LRMDA: variants seen among roughly 807,000 people sequenced by gnomAD.
LRMDA encodes leucine-rich melanocyte differentiation-associated protein.
A neutral mutation model predicts 29.8 loss-of-function variants in LRMDA; 18 were observed. The observed-to-expected ratio is 0.60, with a 90% CI of 0.42 to 0.90. The LOEUF is 0.90. Among genes scored for constraint, LRMDA ranks in the 40% least tolerant of loss-of-function variants. The pLI, the probability that LRMDA is intolerant of heterozygous loss-of-function variation, is 0.00. For missense variants in LRMDA, 273 were observed against 273.9 expected (o/e 1.00, Z 0.02); for synonymous variants, 125 against 109.4 (o/e 1.14, Z -0.89).
intron 2 of LRMDA, among the ~76,000 whole-genome samples, chr10:75,588,837 G>A (rs1840686921): frequency 1.3e-5 from 2 of 152,094 alleles, no homozygotes; most frequent in South Asian, 4.1e-4. Flanking sequence ...TATAGATTAT[G>A]TCTTTGTCAT....
chr10:75,779,020 C>T (rs12253409), intron 2 of LRMDA, among the ~76,000 whole-genome samples: 56,123 of 152,042 alleles, frequency 0.37, 12,230 homozygotes, highest in South Asian at 0.49. Context: ...CCCAGCTAGC[C>T]TCTGGAATAG....
intron 6 of LRMDA, among the ~76,000 whole-genome samples, chr10:76,358,216 CG>C (rs1841266556): frequency 6.6e-6 from 1 of 152,156 alleles, no homozygotes; most frequent in Non-Finnish European, 1.5e-5. Context: ...TGGCAGTCCT[CG>C]TAGGAGAAAT....
At chr10:76,386,161 C>T (rs1428294200) in intron 6 of LRMDA, among the ~76,000 whole-genome samples, 1 of 152,142 alleles carries the variant, frequency 6.6e-6, no homozygotes, top group East Asian at 1.9e-4. Context: ...ATGTGTTAAT[C>T]TCTCCTAAAC....
At chr10:75,779,635 G>C (rs1389372671) in intron 2 of LRMDA, among the ~76,000 whole-genome samples, 1 of 152,186 alleles carries the variant, frequency 6.6e-6, no homozygotes, top group African/African-American at 2.4e-5. Context: ...AATCTCAGTG[G>C]CTTAACACCA....
intron 2 of LRMDA, among the ~76,000 whole-genome samples, chr10:75,803,841 T>A (rs1843798517): frequency 6.6e-6 from 1 of 152,146 alleles, no homozygotes; most frequent in Non-Finnish European, 1.5e-5. Context: ...CTGCACGCAG[T>A]CTCTTTTCTG....
intron 6 of LRMDA, among the ~76,000 whole-genome samples, chr10:76,338,516 C>T (rs1013864363): frequency 2.0e-5 from 3 of 152,122 alleles, no homozygotes; most frequent in Admixed American, 6.5e-5. Context: ...ACATGGGTCA[C>T]ATTGTCTGTA....
chr10:75,876,811 T>C (rs1845206093), intron 2 of LRMDA, among the ~76,000 whole-genome samples: 1 of 152,216 alleles, frequency 6.6e-6, no homozygotes, highest in Non-Finnish European at 1.5e-5. Context: ...CCTTAGTGTT[T>C]GGCATTTTGT....
chr10:76,417,528 A>C (rs1842029593), intron 6 of LRMDA, among the ~76,000 whole-genome samples: 1 of 151,668 alleles, frequency 6.6e-6, no homozygotes, highest in Non-Finnish European at 1.5e-5. Context: ...CTCATATCGC[A>C]CCCTAGGCAC....
At chr10:75,986,305 T>G (rs1386441144) in intron 2 of LRMDA, among the ~76,000 whole-genome samples, 1 of 152,232 alleles carries the variant, frequency 6.6e-6, no homozygotes, top group African/African-American at 2.4e-5. Context: ...ATTTTCTTCC[T>G]CCAGGACTAA....
At position 75,963,505 on chromosome 10, in the gene LRMDA, A is replaced by G. The variant is rs373571259; in HGVS notation, c.132-72503A>G. ...GTTTTGTCCCTTAATTTTTGATACA[A>G]TAACCAGGGGTCCTTGTTGTCATGA... On this transcript the variant is annotated intron_variant, in intron 2 of 6. Coordinates refer to ENST00000611255, the MANE Select transcript of LRMDA (RefSeq NM_001305581.2). 9.8e-4 allele frequency among the ~76,000 whole-genome samples: 150 copies of G among 152,316 alleles called. 1 individual carries two copies. In the South Asian group the frequency reaches 0.031, roughly 31 times the overall value.
At chr10:75,965,921 G>A (rs1343738381) in intron 2 of LRMDA, among the ~76,000 whole-genome samples, 2 of 152,208 alleles carry the variant, frequency 1.3e-5, no homozygotes, top group Non-Finnish European at 2.9e-5. Flanking sequence ...GCTCAGTGAA[G>A]CCCAAACATC....
At chr10:76,143,891 A>G (rs1366251194) in intron 5 of LRMDA, among the ~76,000 whole-genome samples, 1 of 152,222 alleles carries the variant, frequency 6.6e-6, no homozygotes, top group East Asian at 1.9e-4. Flanking sequence ...GAAGGGATCC[A>G]GTTTCAGCTT....
chr10:75,501,034 T>C (rs1845107381), intron 2 of LRMDA, among the ~76,000 whole-genome samples: 2 of 152,198 alleles, frequency 1.3e-5, no homozygotes, highest in African/African-American at 4.8e-5. Flanking sequence ...ACACAGACTT[T>C]CCCATTGCAG....
intron 2 of LRMDA, among the ~76,000 whole-genome samples, chr10:76,008,038 G>A (rs1179676967): frequency 6.6e-6 from 1 of 152,146 alleles, no homozygotes; most frequent in Non-Finnish European, 1.5e-5. Context: ...TAAGCAAGTG[G>A]CAGGCATTAG....
chr10:76,028,038 T>C (rs1353035434), intron 2 of LRMDA, among the ~76,000 whole-genome samples: 1 of 152,224 alleles, frequency 6.6e-6, no homozygotes, highest in Non-Finnish European at 1.5e-5. Flanking sequence ...GAATAAATTA[T>C]TGGAATTGGA....
At chr10:75,716,855 A>G (rs1223084677) in intron 2 of LRMDA, among the ~76,000 whole-genome samples, 1 of 152,222 alleles carries the variant, frequency 6.6e-6, no homozygotes, top group Non-Finnish European at 1.5e-5. Context: ...CCTTGGTGGA[A>G]CAGGCTGATG....
At chr10:76,243,038 C>T (rs1489333396) in intron 5 of LRMDA, among the ~76,000 whole-genome samples, 1 of 152,160 alleles carries the variant, frequency 6.6e-6, no homozygotes, top group Non-Finnish European at 1.5e-5. Context: ...TCAGCCAGAA[C>T]ATCTCGTATA....
chr10:76,162,289 C>T (rs149074623), intron 5 of LRMDA, among the ~76,000 whole-genome samples: 73 of 152,236 alleles, frequency 4.8e-4, no homozygotes, highest in Middle Eastern at 3.4e-3. Context: ...GGGAAAAGAT[C>T]GCTGGCAGAG....
At chr10:76,417,140 C>A (rs1418413000) in intron 6 of LRMDA, among the ~76,000 whole-genome samples, 1 of 152,160 alleles carries the variant, frequency 6.6e-6, no homozygotes, top group Admixed American at 6.6e-5. Context: ...TGCCTGGATA[C>A]AATTTGGTCT....
Sources: gnomAD v4.1 joint callset for allele counts (sites outside exome capture counted in the v4.1 genomes callset) on GRCh38, gnomAD v4.1.1 for gene constraint, MANE v1.5 for transcripts, NCBI Gene and HGNC (gene_info 2026-07-23, HGNC 2026-07-21) for gene names.